CYB5B: variants seen among roughly 807,000 people sequenced by gnomAD.
The protein encoded by CYB5B is cytochrome b5 type B (outer mitochondrial membrane).
CYB5B carries 14 observed loss-of-function variants against 21.3 expected under a neutral mutation model. The observed-to-expected ratio is 0.66, with a 90% CI of 0.43 to 1.03. The LOEUF is 1.03. Ranked by LOEUF, CYB5B falls within the 50% of genes least tolerant of loss-of-function variation. The pLI is 0.00. For missense variants in CYB5B, 166 were observed against 185.1 expected (o/e 0.90, Z 0.60); for synonymous variants, 69 against 68.4 (o/e 1.01, Z -0.04).
At chr16:69,461,331 G>C (rs555489722) in intron 4 of CYB5B, among the ~76,000 whole-genome samples, 2 of 152,282 alleles carry the variant, frequency 1.3e-5, no homozygotes, top group East Asian at 3.9e-4. Context: ...CTTATCAGGA[G>C]ATTACTTCAG....
At chr16:69,452,489 C>G (rs1786374684) in intron 3 of CYB5B, among the ~76,000 whole-genome samples, 1 of 151,434 alleles carries the variant, frequency 6.6e-6, no homozygotes, top group Non-Finnish European at 1.5e-5. Flanking sequence ...GAGACCAGCC[C>G]GGCCAACATG....
intron 4 of CYB5B, chr16:69,459,459 T>C (rs984511591): frequency 9.0e-6 from 2 of 222,318 alleles, no homozygotes; most frequent in Non-Finnish European, 1.8e-5. Context: ...AGCTACATGA[T>C]TCTACTTAAA....
At chr16:69,461,729 T>G (rs942637605) in intron 4 of CYB5B, among the ~76,000 whole-genome samples, 3 of 152,212 alleles carry the variant, frequency 2.0e-5, no homozygotes, top group Non-Finnish European at 2.9e-5. Context: ...CTTCACCCTG[T>G]TAGAACTGTA....
At chr16:69,430,214 T>A (rs994224619) in intron 1 of CYB5B, among the ~76,000 whole-genome samples, 2 of 152,086 alleles carry the variant, frequency 1.3e-5, no homozygotes, top group Admixed American at 6.6e-5. Flanking sequence ...TTATATATAA[T>A]GTATTTTTTT....
intron 1 of CYB5B, among the ~76,000 whole-genome samples, chr16:69,427,633 C>T (rs1000692698): frequency 6.6e-6 from 1 of 152,032 alleles, no homozygotes; most frequent in Non-Finnish European, 1.5e-5. Context: ...CCTTCTATTT[C>T]AACCTCCCGA....
rs1166667295 is a variant in CYB5B, at chr16:69,464,136, G to A, written c.*1616G>A. 6.6e-6 allele frequency: 1 copy of A among 152,018 alleles called. No homozygotes were observed. The highest frequency in any genetic ancestry group is 1.5e-5 in the Non-Finnish European group (1 of 68,026). The allele number at this position is 152,018 out of a possible 1,614,324, so 9.4% of individuals were successfully genotyped here. On this transcript the variant is annotated 3_prime_UTR_variant, in exon 5 of 5. Coordinates refer to ENST00000307892, the MANE Select transcript of CYB5B (RefSeq NM_030579.3). ...GACAGGAAACTGCCCAGCAAACCAG[G>A]GACTGCCCATGTAAACTATTTAAGA...
chr16:69,433,686 G>A (rs769399739), intron 1 of CYB5B, among the ~76,000 whole-genome samples: 22 of 152,210 alleles, frequency 1.4e-4, no homozygotes, highest in South Asian at 6.2e-4. Context: ...ACAATAAAAT[G>A]TACAGATTTT....
chr16:69,450,236 A>AAAAAAAAC (rs1567474122), intron 3 of CYB5B: 1 of 144,432 alleles, frequency 6.9e-6, no homozygotes, highest in African/African-American at 2.6e-5. Flanking sequence ...AAAAAAAAAA[A>AAAAAAAAC]AAAACCCAAA....
At chr16:69,439,821 C>G (rs1383221468) in intron 1 of CYB5B, among the ~76,000 whole-genome samples, 1 of 152,138 alleles carries the variant, frequency 6.6e-6, no homozygotes, top group African/African-American at 2.4e-5. Flanking sequence ...CCTGCCTCAG[C>G]CTCCCAAAGT....
intron 1 of CYB5B, among the ~76,000 whole-genome samples, chr16:69,431,338 A>G (rs2014703513): frequency 1.3e-5 from 2 of 152,146 alleles, no homozygotes; most frequent in Admixed American, 1.3e-4. Context: ...TACTTTAGGA[A>G]CCATCTCATA....
At chr16:69,443,950 T>C (rs1011039520) in intron 1 of CYB5B, 1 of 152,908 alleles carries the variant, frequency 6.5e-6, no homozygotes, top group Admixed American at 6.5e-5. Flanking sequence ...TCAATGTTGA[T>C]CCATTCACAA....
chr16:69,439,505 G>A (rs983489697), intron 1 of CYB5B, among the ~76,000 whole-genome samples: 1 of 150,832 alleles, frequency 6.6e-6, no homozygotes, highest in East Asian at 2.0e-4. Context: ...CACCACGCCC[G>A]GCCTGTTTCT....
At chr16:69,439,267 G>A (rs1042233408) in intron 1 of CYB5B, among the ~76,000 whole-genome samples, 8 of 152,120 alleles carry the variant, frequency 5.3e-5, no homozygotes, top group African/African-American at 1.9e-4. Flanking sequence ...AAATCAAATG[G>A]GAGCTCGATC....
intron 1 of CYB5B, among the ~76,000 whole-genome samples, chr16:69,429,355 A>T (rs2014681047): frequency 6.6e-6 from 1 of 152,134 alleles, no homozygotes; most frequent in South Asian, 2.1e-4. Flanking sequence ...CCCCGCCCAC[A>T]TCCTGCTGAT....
At chr16:69,460,614 A>G (rs1290750059) in intron 4 of CYB5B, among the ~76,000 whole-genome samples, 2 of 152,212 alleles carry the variant, frequency 1.3e-5, no homozygotes, top group Non-Finnish European at 2.9e-5. Flanking sequence ...GTTTGGCATT[A>G]TCTAGTAAAT....
At chr16:69,428,833 G>C (rs1261815121) in intron 1 of CYB5B, among the ~76,000 whole-genome samples, 2 of 152,158 alleles carry the variant, frequency 1.3e-5, no homozygotes, top group African/African-American at 2.4e-5. Flanking sequence ...GAAGAGCATA[G>C]AGCATTCCTG....
At position 69,465,632 on chromosome 16, in the gene CYB5B, A is replaced by C. The variant is rs2015081853; in HGVS notation, c.*3112A>C. ...TAGCTGCAATGTGGGACAATGAAAA[A>C]TGCTTTACAGGCCTGGAGTATCATT... is the stretch of plus-strand genomic sequence containing the variant. On this transcript the variant is annotated 3_prime_UTR_variant, in exon 5 of 5. Transcript: ENST00000307892. 6.6e-6 allele frequency: 1 copy of C among 152,230 alleles called. No homozygotes were observed. Among genetic ancestry groups the C allele is most frequent in the African/African-American group, 2.4e-5 (1 of 41,460 alleles). 9.4% of individuals were successfully genotyped at this position (152,230 alleles called of 1,614,324 possible).
At chr16:69,457,930 C>T (rs962733011) in intron 3 of CYB5B, among the ~76,000 whole-genome samples, 9 of 152,074 alleles carry the variant, frequency 5.9e-5, no homozygotes, top group African/African-American at 1.7e-4. Context: ...TTATTGAAAA[C>T]GGTGGTTAAG....
At chr16:69,451,238 C>T (rs1379140796) in intron 3 of CYB5B, among the ~76,000 whole-genome samples, 1 of 152,182 alleles carries the variant, frequency 6.6e-6, no homozygotes, top group African/African-American at 2.4e-5. Flanking sequence ...TTTGACTTAA[C>T]ATTTTTCTGG....
Sources: allele counts gnomAD v4.1 joint callset (sites outside exome capture counted in the v4.1 genomes callset), GRCh38; gene constraint gnomAD v4.1.1; transcripts MANE v1.5; gene names NCBI Gene and HGNC (gene_info 2026-07-23, HGNC 2026-07-21).